UBE2E2: variants seen among roughly 807,000 people sequenced by gnomAD.
UBE2E2 encodes the protein ubiquitin-conjugating enzyme E2 E2.
A neutral mutation model predicts 24.7 loss-of-function variants in UBE2E2; 6 were observed. The observed-to-expected ratio is 0.24, with a 90% CI of 0.13 to 0.48. The LOEUF (loss-of-function observed/expected upper bound fraction) is 0.48. UBE2E2 is among the 20% of genes least tolerant of loss of function. UBE2E2 has a pLI of 0.99. For synonymous variants in UBE2E2, 104 were observed against 83.6 expected (o/e 1.24, Z -1.33); for missense variants, 169 against 245.0 (o/e 0.69, Z 2.07).
intron 3 of UBE2E2, among the ~76,000 whole-genome samples, chr3:23,372,522 A>T (rs973829074): frequency 2.0e-5 from 3 of 152,044 alleles, no homozygotes; most frequent in Admixed American, 6.5e-5. Flanking sequence ...TTCTGTTTTG[A>T]ATTTTTTTCT....
intron 3 of UBE2E2, among the ~76,000 whole-genome samples, chr3:23,424,613 T>C (rs1329927892): frequency 6.6e-6 from 1 of 152,128 alleles, no homozygotes; most frequent in Admixed American, 6.6e-5. Context: ...GGCATAAGGT[T>C]TCATTTAAGA....
At chr3:23,525,002 A>G (rs1204162529) in intron 4 of UBE2E2, among the ~76,000 whole-genome samples, 1 of 152,152 alleles carries the variant, frequency 6.6e-6, no homozygotes, top group East Asian at 1.9e-4. Context: ...GAAGACTCAA[A>G]TCAAGGTATT....
intron 4 of UBE2E2, among the ~76,000 whole-genome samples, chr3:23,522,530 T>C (rs1468471316): frequency 6.6e-6 from 1 of 152,224 alleles, no homozygotes; most frequent in Non-Finnish European, 1.5e-5. Flanking sequence ...CTTCAAATAG[T>C]GAGTTTGTAC....
At chr3:23,308,772 C>T (rs753839639) in intron 3 of UBE2E2, among the ~76,000 whole-genome samples, 3 of 152,126 alleles carry the variant, frequency 2.0e-5, no homozygotes, top group Non-Finnish European at 2.9e-5. Context: ...CCGCCATAGG[C>T]CATCTGCAAG....
intron 4 of UBE2E2, among the ~76,000 whole-genome samples, chr3:23,527,707 A>G (rs1695031544): frequency 6.6e-6 from 1 of 152,118 alleles, no homozygotes; most frequent in African/African-American, 2.4e-5. Flanking sequence ...TCATGCCTAC[A>G]TAATGAAGCC....
chr3:23,214,445 C>T (rs978480455), intron 2 of UBE2E2, among the ~76,000 whole-genome samples: 28 of 151,806 alleles, frequency 1.8e-4, no homozygotes, highest in Non-Finnish European at 3.7e-4. Flanking sequence ...GTAGAGGAGT[C>T]TCACTGTGTT....
chr3:23,527,437 A>T (rs772050659), intron 4 of UBE2E2, among the ~76,000 whole-genome samples: 1 of 152,196 alleles, frequency 6.6e-6, no homozygotes, highest in Non-Finnish European at 1.5e-5. Flanking sequence ...AATAAGAAAT[A>T]TATACTATTT....
At chr3:23,230,155 T>G (rs1464328163) in intron 3 of UBE2E2, among the ~76,000 whole-genome samples, 2 of 152,214 alleles carry the variant, frequency 1.3e-5, no homozygotes, top group Non-Finnish European at 2.9e-5. Flanking sequence ...TTAAGTAAAA[T>G]ACCTTTGTCA....
At chr3:23,318,972 G>T (rs1419358961) in intron 3 of UBE2E2, among the ~76,000 whole-genome samples, 4 of 152,124 alleles carry the variant, frequency 2.6e-5, no homozygotes. Flanking sequence ...ATCTTTTCCA[G>T]TGTTCCTTTT....
intron 3 of UBE2E2, among the ~76,000 whole-genome samples, chr3:23,238,627 C>A (rs1378363255): frequency 6.6e-6 from 1 of 152,026 alleles, no homozygotes; most frequent in African/African-American, 2.4e-5. Context: ...GGACCAAAAG[C>A]CTTTTGGATT....
chr3:23,522,155 G>GAGGCAT (rs1694882825), intron 4 of UBE2E2, among the ~76,000 whole-genome samples: 1 of 129,434 alleles, frequency 7.7e-6, no homozygotes, highest in Admixed American at 8.7e-5. Context: ...TTTTGAGGCA[G>GAGGCAT]AGTCTCGCTC....
Position 23,203,439 on chromosome 3 carries a change from G to T in UBE2E2, c.-34G>T. The T allele has an allele frequency of 1.0e-6, 1 of 954,338 alleles. No homozygotes were observed. The highest frequency in any genetic ancestry group is 1.2e-6 in the Non-Finnish European group (1 of 821,302). 59.1% of individuals were successfully genotyped at this position (954,338 alleles called of 1,614,324 possible). A position where few individuals can be genotyped will look rare whatever the true frequency, so the allele number is the denominator to read the frequency against. On this transcript the variant is annotated 5_prime_UTR_variant, in exon 1 of 6. Transcript: ENST00000396703. ...TCCCAGGGCTTCGGCTCGAGCCTGC[G>T]ACCTGCACGGACACCCCCCCCTCAG... is the stretch of plus-strand genomic sequence containing the variant.
chr3:23,207,007 T>A (rs1663762079), intron 1 of UBE2E2, among the ~76,000 whole-genome samples: 1 of 152,196 alleles, frequency 6.6e-6, no homozygotes, highest in South Asian at 2.1e-4. Context: ...TTTTTGCTGT[T>A]AATGGTACTT....
chr3:23,357,416 T>C (rs1695988017), intron 3 of UBE2E2, among the ~76,000 whole-genome samples: 1 of 152,200 alleles, frequency 6.6e-6, no homozygotes, highest in African/African-American at 2.4e-5. Context: ...TGTGTGAGTG[T>C]GTATATGTAT....
At chr3:23,508,676 A>G (rs1694512862) in intron 4 of UBE2E2, among the ~76,000 whole-genome samples, 1 of 152,194 alleles carries the variant, frequency 6.6e-6, no homozygotes, top group Non-Finnish European at 1.5e-5. Flanking sequence ...GAGGTTTCAA[A>G]CAAGTATTTT....
chr3:23,514,943 C>G (rs1006447083), intron 4 of UBE2E2, among the ~76,000 whole-genome samples: 35 of 152,150 alleles, frequency 2.3e-4, no homozygotes, highest in African/African-American at 8.2e-4. Context: ...AAAATCTGCT[C>G]TTAGGTTTAA....
intron 5 of UBE2E2, among the ~76,000 whole-genome samples, chr3:23,538,316 C>T (rs1183322722): frequency 3.3e-5 from 5 of 152,104 alleles, no homozygotes; most frequent in Non-Finnish European, 4.4e-5. Flanking sequence ...CTAAAAGTCA[C>T]TCTAATCAAT....
intron 3 of UBE2E2, among the ~76,000 whole-genome samples, chr3:23,310,314 T>TTTTTTA (rs59973241): frequency 6.6e-6 from 1 of 151,182 alleles, no homozygotes. Flanking sequence ...TTTTTTTTTT[T>TTTTTTA]ACAAAAATTC....
intron 3 of UBE2E2, among the ~76,000 whole-genome samples, chr3:23,419,127 T>TA (rs1697731500): frequency 6.6e-6 from 1 of 152,068 alleles, no homozygotes; most frequent in Non-Finnish European, 1.5e-5. Flanking sequence ...CTAATTTTTT[T>TA]ATTTTTATGT....
Sources: gnomAD v4.1 joint callset for allele counts (sites outside exome capture counted in the v4.1 genomes callset) on GRCh38, gnomAD v4.1.1 for gene constraint, MANE v1.5 for transcripts, NCBI Gene and HGNC (gene_info 2026-07-23, HGNC 2026-07-21) for gene names.